The following SNAPC4 variants were observed in gnomAD, a reference collection of about 807,000 sequenced individuals.
SNAPC4 encodes the protein snRNA-activating protein complex subunit 4.
In SNAPC4, 127 loss-of-function variants were observed where a neutral mutation model predicts 151.3. That is an observed-to-expected ratio of 0.84 (90% CI 0.73 to 0.97). The LOEUF (loss-of-function observed/expected upper bound fraction) is 0.97. Ranked by LOEUF, SNAPC4 falls within the 50% of genes least tolerant of loss-of-function variation. The pLI is 0.00. For missense variants in SNAPC4, 2,186 were observed against 1,935.0 expected, an observed-to-expected ratio of 1.13 and a Z score of -2.43; for synonymous variants, 1,002 against 824.4, an observed-to-expected ratio of 1.22 and a Z score of -3.69.
Position 136,392,761 on chromosome 9 carries a change from G to C in SNAPC4, c.649C>G (p.Gln217Glu). The C allele has an allele frequency of 6.2e-7, 1 of 1,613,446 alleles. No homozygotes were observed. The highest frequency in any genetic ancestry group is 8.5e-7 in the Non-Finnish European group (1 of 1,180,000). ...TCACTGGAGACTTTGCTCTGCTTCT[G>C]GTGCAAGTACTCGAGCCTGCAAAGC... ...PKLLKLEYLH[Q>E]KQSKVSSELE... The change falls in exon 8 of 24, where the codon CAG becomes GAG. Residue 217 changes from glutamine to glutamate, a missense_variant. By Grantham distance (29) the Gln-to-Glu change is conservative. Coordinates refer to ENST00000684778, the MANE Select transcript of SNAPC4 (RefSeq NM_003086.4).
In SNAPC4 at chr9:136,394,296, T is replaced by C; in HGVS notation, c.585A>G (p.Ser195=). Residue 195 remains serine (S), a synonymous_variant, in exon 7 of 24, where the codon TCA becomes TCG. Transcript: ENST00000684778. ...ATCGCTGCAGGCGGTCACTCACCAC[T>C]GACTTTCGGAGCAAGGCCTTTTCCC... The part of the protein sequence containing the change: ...KNWEKALLRK[S]VVSDRLQRLL... 1.2e-6 allele frequency: 2 copies of C among 1,613,962 alleles called. No individual in the cohort carries two copies. The highest frequency in any genetic ancestry group is 1.7e-6 in the Non-Finnish European group (2 of 1,179,976).
At position 136,383,213 on chromosome 9, in the gene SNAPC4, C is replaced by T. The variant is rs746465888; in HGVS notation, c.1956G>A (p.Pro652=). The T allele has an allele frequency of 2.4e-5, 37 of 1,554,374 alleles. No individual in the cohort carries two copies. Among genetic ancestry groups the T allele is most frequent in the South Asian group, 4.8e-5 (4 of 82,748 alleles). ...AQASHSADTR[P]AGAEKQALEG... is the part of the protein sequence containing the mutation. ...CCAGGGCCTGCTTCTCTGCGCCCGC[C>T]GGGCGAGTGTCTGCTGAGTGGGAGG... Residue 652 remains proline (P), a synonymous_variant, in exon 16 of 24, where the codon CCG becomes CCA. Transcript: ENST00000684778. This position sits in a 1 kb window ranked among gnomAD's most constrained non-coding sequence, Gnocchi z 4.2.
chr9:136,384,146 ACT>A, intron 14 of SNAPC4, 114 bp from the exon 15 acceptor site: 1 of 766,358 alleles, frequency 1.3e-6, no homozygotes, highest in Non-Finnish European at 2.1e-6. Flanking sequence ...CCTCCTGTGC[ACT>A]CTCACGCTGG....
In SNAPC4 at chr9:136,381,396, C is replaced by A. The variant is rs374256783; in HGVS notation, c.2318-4G>T. 5 of 1,611,574 alleles carry A rather than the reference C, an allele frequency of 3.1e-6. No individual in the cohort carries two copies. The East Asian group carries it at 1.1e-4, about 36-fold the overall frequency. ...AGCTGCTCCCTGAGGCCATCCGCTG[C>A]GGGCACAGGGGGATAAGTGGAAAGC... On this transcript the variant is annotated splice_polypyrimidine_tract_variant and splice_region_variant and intron_variant, in intron 18 of 23. Coordinates refer to ENST00000684778, the MANE Select transcript of SNAPC4 (RefSeq NM_003086.4).
At chr9:136,394,575 G>A (rs563153023) in intron 6 of SNAPC4, among the ~76,000 whole-genome samples, 5 of 152,372 alleles carry the variant, frequency 3.3e-5, no homozygotes, top group African/African-American at 9.6e-5. Context: ...TGAGCCAGAG[G>A]GTGGGGTGCG....
At position 136,394,393 on chromosome 9, in the gene SNAPC4, G is replaced by A. The variant is rs1834187789; in HGVS notation, c.551-63C>T. The A allele has an allele frequency of 1.4e-5, 20 of 1,445,562 alleles. 1 individual carries two copies. Among genetic ancestry groups the A allele is most frequent in the South Asian group, 1.1e-4 (10 of 87,704 alleles). The allele number at this position is 1,445,562 out of a possible 1,614,324, so 89.5% of individuals were successfully genotyped here. On this transcript the variant is annotated intron_variant, in intron 6 of 23. Coordinates refer to ENST00000684778, the MANE Select transcript of SNAPC4 (RefSeq NM_003086.4). ...ATCCTCTCCACGGCCCAGCCCCCACGGTTGGTGTGCACTTCCCGAGGCAGT... is the reference window on the plus strand; with the variant it reads ...ATCCTCTCCACGGCCCAGCCCCCACAGTTGGTGTGCACTTCCCGAGGCAGT...
intron 7 of SNAPC4, 37 bp from the exon 8 acceptor site, chr9:136,392,814 G>C: frequency 6.4e-6 from 10 of 1,561,248 alleles, no homozygotes; most frequent in Admixed American, 1.7e-5. Context: ...GCTGGGGCAC[G>C]AGGGCTGCGG....
chr9:136,388,949 A>G (rs1247925583), intron 10 of SNAPC4, among the ~76,000 whole-genome samples: 1 of 152,238 alleles, frequency 6.6e-6, no homozygotes, highest in Non-Finnish European at 1.5e-5. Context: ...ACTGCTCTGC[A>G]TGTGGCATGC....
rs376034480 is a variant in SNAPC4, at chr9:136,378,098, G to A, written c.3729C>T (p.Arg1243=). ...GPLGLEKLPL[R]QPGPEKGALD... is the part of the protein sequence containing the mutation. ...GGGCCCCCTTCTCAGGCCCAGGCTG[G>A]CGCAGGGGCAGCTTCTCCAGGCCCA... The change falls in exon 22 of 24, where the codon CGC becomes CGT. Residue 1243 remains arginine, a synonymous_variant. Coordinates refer to ENST00000684778, the MANE Select transcript of SNAPC4 (RefSeq NM_003086.4). 3.1e-6 allele frequency: 5 copies of A among 1,590,104 alleles called. No individual in the cohort carries two copies. Among genetic ancestry groups the A allele is most frequent in the Non-Finnish European group, 4.3e-6 (5 of 1,169,482 alleles).
At position 136,381,984 on chromosome 9, in the gene SNAPC4, T is replaced by C; in HGVS notation, c.2157A>G (p.Leu719=). The part of the protein sequence containing the change: ...DSVARSHVQW[L]RHRATQSGQR... ...GCCCACTCTGGGTGGCTCTGTGCCG[T>C]AGCCACTGCACATGGGATCGGGCCA... The change falls in exon 18 of 24, where the codon CTA becomes CTG. Residue 719 remains leucine (L), a synonymous_variant. Coordinates refer to ENST00000684778, the MANE Select transcript of SNAPC4 (RefSeq NM_003086.4). 2 of 1,611,462 alleles carry C rather than the reference T, an allele frequency of 1.2e-6. No individual in the cohort carries two copies. The highest frequency in any genetic ancestry group is 1.7e-6 in the Non-Finnish European group (2 of 1,179,734).
At chr9:136,396,309 G>A (rs1157798687) in intron 3 of SNAPC4, among the ~76,000 whole-genome samples, 1 of 152,244 alleles carries the variant, frequency 6.6e-6, no homozygotes, top group Non-Finnish European at 1.5e-5. Context: ...TAACTTTGCA[G>A]AAAAAGGAAG....
rs764205426 is a variant in SNAPC4, at chr9:136,377,907, G to A, written c.3920C>T (p.Ala1307Val). The A allele has an allele frequency of 2.5e-6, 4 of 1,610,994 alleles. No homozygotes were observed. Among genetic ancestry groups the A allele is most frequent in the Non-Finnish European group, 3.4e-6 (4 of 1,179,600 alleles). ...LGSRLPYQPPALCSLRALSGL... is the reference protein window; with the variant it reads ...LGSRLPYQPPVLCSLRALSGL... The stretch of plus-strand genomic sequence containing the variant: ...GGACAGAGCTCGCAGGCTGCACAGG[G>A]CTGGGGGCTGATAGGGCAGTCTGCT... The change falls in exon 22 of 24, where the codon GCC becomes GTC. Residue 1307 changes from alanine (A) to valine (V), a missense_variant. By Grantham distance (64) the Ala-to-Val change is moderately conservative (BLOSUM62 0). Coordinates refer to ENST00000684778, the MANE Select transcript of SNAPC4 (RefSeq NM_003086.4).
rs764971859 is a variant in SNAPC4, at chr9:136,383,260, G to C, written c.1909C>G (p.Pro637Ala). Residue 637 changes from proline (P) to alanine (A), a missense_variant, in exon 16 of 24, where the codon CCT (proline) becomes GCT (alanine). Coordinates refer to ENST00000684778, the MANE Select transcript of SNAPC4 (RefSeq NM_003086.4). This position sits in a 1 kb window ranked among gnomAD's most constrained non-coding sequence, Gnocchi z 4.2. Reference sequence around the variant, plus strand: ...GAGGCCTGGGCAGACCTCGGGACAGGGCCGTGGGCCCTGGCAGGGACCTGC... The same window carrying C: ...GAGGCCTGGGCAGACCTCGGGACAGCGCCGTGGGCCCTGGCAGGGACCTGC... ...PVQVPARAHG[P>A]VPRSAQASHS... The C allele has an allele frequency of 5.0e-6, 8 of 1,608,970 alleles. No individual in the cohort carries two copies. Among genetic ancestry groups the C allele is most frequent in the African/African-American group, 1.3e-5 (1 of 74,728 alleles).
chr9:136,394,930 A>G, intron 5 of SNAPC4, 52 bp from the exon 6 acceptor site: 1 of 1,517,296 alleles, frequency 6.6e-7, no homozygotes. Flanking sequence ...TGCTCCCTGC[A>G]GGCCCAGCAC....
Position 136,398,314 on chromosome 9 carries a change from A to C in SNAPC4, c.115T>G (p.Ser39Ala), listed in dbSNP as rs1564397784. The C allele has an allele frequency of 2.5e-6, 4 of 1,613,150 alleles. No individual in the cohort carries two copies. The Admixed American group carries it at 5.0e-5, about 20-fold the overall frequency. ...HVEISESSLE[S>A]DSEADSLPSE... is the part of the protein sequence containing the mutation. ...AGGGGCTTACCTGCTTCAGAATCTG[A>C]CTCGAGACTTGATTCTGAGATCTCC... is the stretch of plus-strand genomic sequence containing the variant. The change falls in exon 2 of 24, where the codon TCA (serine) becomes GCA (alanine). Residue 39 changes from serine (S) to alanine (A), a missense_variant. Ser to Ala is a moderately conservative substitution (Grantham distance 99). Transcript: ENST00000684778.
chr9:136,396,138 G>A (rs375474847), intron 3 of SNAPC4, among the ~76,000 whole-genome samples: 7 of 152,210 alleles, frequency 4.6e-5, no homozygotes, highest in African/African-American at 1.4e-4. Flanking sequence ...AGCAAAGCAC[G>A]GGGAGCAAGC....
In SNAPC4 at chr9:136,382,260, C is replaced by A; in HGVS notation, c.2060G>T (p.Cys687Phe). 6.2e-7 allele frequency: 1 copy of A among 1,612,630 alleles called. No individual in the cohort carries two copies. The highest frequency in any genetic ancestry group is 8.5e-7 in the Non-Finnish European group (1 of 1,179,886). ...VLRANTAARS[C>F]TQKEQLRQPP... ...GTCTGCAGCAGGCCTCACCTGTGTG[C>A]AGCTCCGAGCAGCCGTGTTGGCCCT... The change falls in exon 17 of 24, where the codon TGC becomes TTC. Residue 687 changes from cysteine to phenylalanine, a missense_variant. Transcript: ENST00000684778.
At chr9:136,380,122 G>A (rs955731923) in intron 20 of SNAPC4, among the ~76,000 whole-genome samples, 43 of 152,308 alleles carry the variant, frequency 2.8e-4, no homozygotes, top group African/African-American at 1.0e-3. Flanking sequence ...GCTCTGCACC[G>A]GAGGCTCCTG....
At chr9:136,398,563 G>A (rs1834352561) in intron 1 of SNAPC4, 126 bp from the exon 2 acceptor site, 1 of 1,078,866 alleles carries the variant, frequency 9.3e-7, no homozygotes, top group Non-Finnish European at 1.3e-6. Flanking sequence ...GGGCTCCCCA[G>A]AGAAAGATTA....
Sources: allele counts gnomAD v4.1 joint callset (sites outside exome capture counted in the v4.1 genomes callset), GRCh38; gene constraint gnomAD v4.1.1; non-coding constraint Gnocchi (gnomAD v3.1); transcripts MANE v1.5; gene names NCBI Gene and HGNC (gene_info 2026-07-23, HGNC 2026-07-21).